The following VPS13B variants were observed in gnomAD, a reference collection of about 807,000 sequenced individuals.
VPS13B encodes vacuolar protein sorting 13 homolog B, also known as intermembrane lipid transfer protein VPS13B.
A neutral mutation model predicts 426.4 loss-of-function variants in VPS13B; 285 were observed. The ratio of observed to expected loss-of-function variants is 0.67; its 90% confidence interval spans 0.61 to 0.74. The LOEUF is 0.74. Among genes scored for constraint, VPS13B ranks in the 30% least tolerant of loss-of-function variants. The pLI, the probability that VPS13B is intolerant of heterozygous loss-of-function variation, is 0.00. For synonymous variants in VPS13B, 1,676 were observed against 1,676.4 expected, an observed-to-expected ratio of 1.00 and a Z score of 0.01; for missense variants, 4,537 against 4,782.6, an observed-to-expected ratio of 0.95 and a Z score of 1.51.
At chr8:99,575,575 T>C in intron 31 of VPS13B, 83 bp from the exon 32 acceptor site, 1 of 1,553,648 alleles carries the variant, frequency 6.4e-7, no homozygotes, top group Non-Finnish European at 8.8e-7. Context: ...TACATGTTTG[T>C]AGTACAAAGA....
rs768724415 is a variant in VPS13B, at chr8:99,467,672, A to G, written c.3666+38A>G. On this transcript the variant is annotated intron_variant, in intron 24 of 61. Coordinates refer to ENST00000357162, the MANE Select transcript of VPS13B (RefSeq NM_152564.5). The stretch of plus-strand genomic sequence containing the variant: ...GATTTATGAAAGGAAATTTAAAGTA[A>G]TGTGATTTAAAAGCAATTGTTATCC... 3.1e-6 allele frequency: 5 copies of G among 1,596,650 alleles called. No individual in the cohort carries two copies. In the South Asian group the frequency reaches 3.3e-5, roughly 11 times the overall value.
chr8:99,225,594 A>G (rs1204761299), intron 17 of VPS13B, among the ~76,000 whole-genome samples: 1 of 152,166 alleles, frequency 6.6e-6, no homozygotes, highest in East Asian at 1.9e-4. Context: ...TATGTAAAAC[A>G]CCTAGGAATT....
intron 3 of VPS13B, among the ~76,000 whole-genome samples, chr8:99,041,915 A>G (rs538959860): frequency 1.4e-4 from 22 of 152,008 alleles, no homozygotes; most frequent in Non-Finnish European, 2.6e-4. Context: ...TAAACCACCT[A>G]TTCTGGTTTT....
chr8:99,460,500 A>T (rs536823432), intron 23 of VPS13B, among the ~76,000 whole-genome samples: 3 of 152,278 alleles, frequency 2.0e-5, no homozygotes, highest in African/African-American at 7.2e-5. Context: ...AATGATGAAT[A>T]CTATATCTGT....
chr8:99,344,030 A>G (rs1230632897), intron 19 of VPS13B, among the ~76,000 whole-genome samples: 1 of 152,204 alleles, frequency 6.6e-6, no homozygotes, highest in Non-Finnish European at 1.5e-5. Context: ...AAAGAACAAA[A>G]TGACGATATC....
intron 19 of VPS13B, among the ~76,000 whole-genome samples, chr8:99,315,015 A>T (rs538933217): frequency 2.9e-4 from 44 of 152,190 alleles, no homozygotes; most frequent in Non-Finnish European, 4.4e-4. Context: ...TACAGGTGAG[A>T]TGAGTTTCTT....
At chr8:99,747,739 A>C (rs2130520453) in intron 39 of VPS13B, among the ~76,000 whole-genome samples, 1 of 152,186 alleles carries the variant, frequency 6.6e-6, no homozygotes, top group Admixed American at 6.5e-5. Flanking sequence ...CATTCATTTT[A>C]ATTGCATACT....
At chr8:99,478,206 A>G (rs562452957) in intron 24 of VPS13B, among the ~76,000 whole-genome samples, 8 of 151,992 alleles carry the variant, frequency 5.3e-5, no homozygotes, top group East Asian at 3.9e-4. Context: ...TCACAGGAAC[A>G]TAACACTTTC....
chr8:99,610,507 T>C (rs12543912), intron 33 of VPS13B, among the ~76,000 whole-genome samples: 20,772 of 151,746 alleles, frequency 0.14, 1,972 homozygotes, highest in East Asian at 0.39. Context: ...AGACACTGCA[T>C]GTTCTCAGTC....
chr8:99,796,343 A>G (rs1812810587), intron 43 of VPS13B, among the ~76,000 whole-genome samples: 1 of 150,480 alleles, frequency 6.6e-6, no homozygotes, highest in Admixed American at 6.6e-5. Context: ...GATGATGAGC[A>G]TGAATTTTTT....
Position 99,147,920 on chromosome 8 carries a change from A to G in VPS13B, c.1923A>G (p.Thr641=). The change falls in exon 14 of 62, where the codon ACA becomes ACG. Residue 641 remains threonine (T), a synonymous_variant. Coordinates refer to ENST00000357162, the MANE Select transcript of VPS13B (RefSeq NM_152564.5). ...AGGAATATATTCCTACTCGACATAC[A>G]AGTGTTACTCTCCTCAAATGTACCT... ...LLEEYIPTRH[T]SVTLLKCTCT... 1 of 1,613,698 alleles carries G rather than the reference A, an allele frequency of 6.2e-7. No individual in the cohort carries two copies. The highest frequency in any genetic ancestry group is 8.5e-7 in the Non-Finnish European group (1 of 1,179,780).
intron 17 of VPS13B, among the ~76,000 whole-genome samples, chr8:99,264,299 T>C (rs967356407): frequency 6.6e-6 from 1 of 152,042 alleles, no homozygotes; most frequent in African/African-American, 2.4e-5. Context: ...TTTATCATTG[T>C]CCTGGGATTT....
chr8:99,873,730 C>G (rs1416919849), intron 61 of VPS13B, among the ~76,000 whole-genome samples: 1 of 152,088 alleles, frequency 6.6e-6, no homozygotes, highest in East Asian at 1.9e-4. Flanking sequence ...GAGACTAAAC[C>G]CTCCCAAGTG....
At chr8:99,657,025 A>G (rs1356431225) in intron 34 of VPS13B, among the ~76,000 whole-genome samples, 1 of 152,188 alleles carries the variant, frequency 6.6e-6, no homozygotes, top group Non-Finnish European at 1.5e-5. Context: ...TTTGTTGGGA[A>G]ATAGTCATTT....
intron 19 of VPS13B, among the ~76,000 whole-genome samples, chr8:99,282,365 A>G (rs1266424572): frequency 6.6e-6 from 1 of 152,164 alleles, no homozygotes; most frequent in East Asian, 1.9e-4. Context: ...ACAAAGTACA[A>G]TATATATACT....
intron 23 of VPS13B, among the ~76,000 whole-genome samples, chr8:99,457,964 G>C (rs542874840): frequency 1.3e-4 from 19 of 151,732 alleles, no homozygotes; most frequent in Non-Finnish European, 2.5e-4. Context: ...TGTGCACAAC[G>C]TGCAGGTTTG....
intron 19 of VPS13B, among the ~76,000 whole-genome samples, chr8:99,378,976 A>T (rs1299530698): frequency 1.3e-5 from 2 of 152,120 alleles, no homozygotes; most frequent in Non-Finnish European, 2.9e-5. Context: ...ATGGCTTGTT[A>T]TGAACTGGGC....
chr8:99,501,715 C>T lies in VPS13B; in HGVS notation c.3899C>T (p.Ser1300Leu). 6.2e-7 allele frequency: 1 copy of T among 1,613,982 alleles called. No homozygotes were observed. ...EGDSIQAGEE[S>L]PFSDSVTLEQ... ...GATTCTATACAAGCAGGTGAGGAAT[C>T]ACCATTCTCAGATTCTGTGACCTTG... The change falls in exon 26 of 62, where the codon TCA (serine) becomes TTA (leucine). Residue 1300 changes from serine (S) to leucine (L), a missense_variant. Coordinates refer to ENST00000357162, the MANE Select transcript of VPS13B (RefSeq NM_152564.5).
At chr8:99,336,886 G>C (rs1252142968) in intron 19 of VPS13B, among the ~76,000 whole-genome samples, 1 of 152,028 alleles carries the variant, frequency 6.6e-6, no homozygotes, top group African/African-American at 2.4e-5. Flanking sequence ...AGGATGTGGA[G>C]AAATAGGAAC....
Sources: gnomAD v4.1 joint callset for allele counts (sites outside exome capture counted in the v4.1 genomes callset) on GRCh38, gnomAD v4.1.1 for gene constraint, MANE v1.5 for transcripts, NCBI Gene and HGNC (gene_info 2026-07-23, HGNC 2026-07-21) for gene names.